The following CHN2 variants were observed in gnomAD, a reference collection of about 807,000 sequenced individuals.
The protein encoded by CHN2 is beta-chimaerin.
A neutral mutation model predicts 56.3 loss-of-function variants in CHN2; 35 were observed. The ratio of observed to expected loss-of-function variants is 0.62; its 90% CI spans 0.47 to 0.82. The LOEUF (loss-of-function observed/expected upper bound fraction) is 0.82. Among genes scored for constraint, CHN2 ranks in the 40% least tolerant of loss-of-function variants. CHN2 has a pLI of 0.00. For missense variants in CHN2, 491 were observed against 580.5 expected (o/e 0.85, Z 1.58); for synonymous variants, 210 against 212.8 (o/e 0.99, Z 0.12).
chr7:29,206,533 G>C (rs2128774470), intron 1 of CHN2, among the ~76,000 whole-genome samples: 1 of 152,234 alleles, frequency 6.6e-6, no homozygotes, highest in Middle Eastern at 3.4e-3. Flanking sequence ...ACCTGCATCG[G>C]CCTCCCAGAG....
chr7:29,483,778 C>T lies in CHN2; in HGVS notation c.654+3422C>T, dbSNP rs368420312. ...TTCAGGCCAGCCAACCCCAGAGGCC[C>T]GGCAGTCGGCTTGCTCGGCTTCCTG... On this transcript the variant is annotated intron_variant, in intron 7 of 12. Coordinates refer to ENST00000222792, the MANE Select transcript of CHN2 (RefSeq NM_004067.4). The T allele has an allele frequency of 2.2e-4, 252 of 1,142,952 alleles. 1 individual carries two copies. The African/African-American group carries it at 3.8e-3, about 17-fold the overall frequency. The allele number at this position is 1,142,952 out of a possible 1,614,324, so 70.8% of individuals were successfully genotyped here. A position where few individuals can be genotyped will look rare whatever the true frequency, so the allele number is the denominator to read the frequency against.
chr7:29,236,753 G>A (rs1004998555), intron 1 of CHN2, among the ~76,000 whole-genome samples: 4 of 152,188 alleles, frequency 2.6e-5, no homozygotes, highest in Admixed American at 2.0e-4. Context: ...CCTTCTAGGG[G>A]CTCTAAGGGA....
At chr7:29,410,323 T>C (rs913886646) in intron 6 of CHN2, among the ~76,000 whole-genome samples, 13 of 152,102 alleles carry the variant, frequency 8.5e-5, no homozygotes, top group African/African-American at 3.1e-4. Flanking sequence ...TTTTTAGTAA[T>C]TATATGGTGG....
chr7:29,180,137 GTTTT>G (rs1562811617), intron 2 of CHN2, among the ~76,000 whole-genome samples: 1 of 152,060 alleles, frequency 6.6e-6, no homozygotes, highest in Non-Finnish European at 1.5e-5. Context: ...TTCCCCAATA[GTTTT>G]TTTATTAGAA....
At chr7:29,462,710 T>C (rs1042178648) in intron 6 of CHN2, among the ~76,000 whole-genome samples, 1 of 152,204 alleles carries the variant, frequency 6.6e-6, no homozygotes, top group East Asian at 1.9e-4. Context: ...AGAAGCTTCA[T>C]TGCCTTTTAT....
At chr7:29,192,420 CT>C (rs1783007217), upstream of CHN2, 1 of 152,174 alleles carries the variant, frequency 6.6e-6, no homozygotes, top group Non-Finnish European at 1.5e-5. Flanking sequence ...ATCTGTTGTC[CT>C]TTTGTGAAAT....
rs143637007 is a variant in CHN2, at chr7:29,276,271, T to C, written c.50-78354T>C. 7.3e-4 allele frequency among the ~76,000 whole-genome samples: 111 copies of C among 152,212 alleles called. 1 individual carries two copies. The highest frequency in any genetic ancestry group is 2.6e-3 in the African/African-American group (109 of 41,546). ...AACCTGAGAATGTAGAAAAGAGGTGTAGAGGCTGTAACCCAGGAGAAGAGC... is the reference window on the plus strand; with the variant it reads ...AACCTGAGAATGTAGAAAAGAGGTGCAGAGGCTGTAACCCAGGAGAAGAGC... On this transcript the variant is annotated intron_variant, in intron 1 of 12. Coordinates refer to ENST00000222792, the MANE Select transcript of CHN2 (RefSeq NM_004067.4).
At chr7:29,431,240 G>T (rs1189379937) in intron 6 of CHN2, among the ~76,000 whole-genome samples, 4 of 152,168 alleles carry the variant, frequency 2.6e-5, no homozygotes, top group Non-Finnish European at 4.4e-5. Context: ...CTAATAGAAG[G>T]CCCTACCATC....
intron 7 of CHN2, among the ~76,000 whole-genome samples, chr7:29,492,385 C>CT (rs879690718): frequency 5.3e-5 from 8 of 151,872 alleles, no homozygotes; most frequent in South Asian, 2.1e-4. Context: ...TTTCATTTAG[C>CT]TTTTTTTTAA....
chr7:29,400,968 G>A, intron 6 of CHN2, 140 bp downstream of exon 6: 1 of 824,382 alleles, frequency 1.2e-6, no homozygotes, highest in Non-Finnish European at 1.9e-6. Context: ...AGGGCCAAAG[G>A]GACCTTAGAA....
In CHN2 at chr7:29,194,900, G is replaced by T; in HGVS notation, c.-42G>T. Reference sequence around the variant, plus strand: ...GGCGAGGGCAGCGGCGGCGGCGTCCGCACCGGGGCTGAGCGAGCAGCGACG... The same window carrying T: ...GGCGAGGGCAGCGGCGGCGGCGTCCTCACCGGGGCTGAGCGAGCAGCGACG... On this transcript the variant is annotated 5_prime_UTR_variant, in exon 1 of 13. Coordinates refer to ENST00000222792, the MANE Select transcript of CHN2 (RefSeq NM_004067.4). 6.8e-7 allele frequency: 1 copy of T among 1,469,694 alleles called. No homozygotes were observed. Among genetic ancestry groups the T allele is most frequent in the Non-Finnish European group, 9.0e-7 (1 of 1,114,322 alleles). 91.0% of individuals were successfully genotyped at this position (1,469,694 alleles called of 1,614,324 possible).
At chr7:29,509,063 A>G (rs1447024810) in intron 11 of CHN2, among the ~76,000 whole-genome samples, 1 of 152,216 alleles carries the variant, frequency 6.6e-6, no homozygotes, top group Admixed American at 6.5e-5. Flanking sequence ...GAGGGCAAGG[A>G]CAGTGTCCAG....
intron 1 of CHN2, among the ~76,000 whole-genome samples, chr7:29,232,401 C>T (rs1256977961): frequency 1.3e-5 from 2 of 152,142 alleles, no homozygotes; most frequent in Admixed American, 6.5e-5. Context: ...CATCCTTTTA[C>T]GTCTACAGCC....
At chr7:29,310,053 G>A (rs921699829) in intron 1 of CHN2, among the ~76,000 whole-genome samples, 9 of 152,184 alleles carry the variant, frequency 5.9e-5, no homozygotes, top group African/African-American at 1.9e-4. Flanking sequence ...AAGAAGCTGT[G>A]GCTGGATTAA....
chr7:29,361,540 C>T (rs778192483), intron 2 of CHN2, among the ~76,000 whole-genome samples: 6 of 152,154 alleles, frequency 3.9e-5, no homozygotes, highest in Middle Eastern at 3.2e-3. Context: ...GCCGAGGGGC[C>T]AGGAGAGAGA....
intron 6 of CHN2, among the ~76,000 whole-genome samples, chr7:29,465,319 C>T (rs746302974): frequency 4.6e-5 from 7 of 152,210 alleles, no homozygotes; most frequent in Non-Finnish European, 1.0e-4. Flanking sequence ...ACTCAAATGT[C>T]AACACCTTCT....
chr7:29,513,473 G>A lies in CHN2; in HGVS notation c.*738G>A, dbSNP rs1232073066. 1 of 152,256 alleles carries A rather than the reference G, an allele frequency of 6.6e-6. No homozygotes were observed. Among genetic ancestry groups the A allele is most frequent in the African/African-American group, 2.4e-5 (1 of 41,444 alleles). The allele number at this position is 152,256 out of a possible 1,614,324, so 9.4% of individuals were successfully genotyped here. A position where few individuals can be genotyped will look rare whatever the true frequency, so the allele number is the denominator to read the frequency against. ...CACACTTTCTATGCATACAAATTTT[G>A]TGAATTCCCAAAGTATGCTTTGGAA... On this transcript the variant is annotated 3_prime_UTR_variant, in exon 13 of 13. Coordinates refer to ENST00000222792, the MANE Select transcript of CHN2 (RefSeq NM_004067.4).
intron 1 of CHN2, among the ~76,000 whole-genome samples, chr7:29,237,477 C>CTTAG (rs71555789): frequency 0.14 from 21,545 of 150,836 alleles, 1,772 homozygotes; most frequent in Non-Finnish European, 0.19. Context: ...TTTATGTCTT[C>CTTAG]TTAGAAGTCA....
chr7:29,353,613 CAG>C, intron 1 of CHN2, among the ~76,000 whole-genome samples: 1 of 152,128 alleles, frequency 6.6e-6, no homozygotes, highest in African/African-American at 2.4e-5. Context: ...GCCTGGGTAA[CAG>C]AACGAGACTC....
Sources: allele counts gnomAD v4.1 joint callset (sites outside exome capture counted in the v4.1 genomes callset), GRCh38; gene constraint gnomAD v4.1.1; transcripts MANE v1.5; gene names NCBI Gene and HGNC (gene_info 2026-07-23, HGNC 2026-07-21).